Variants in ADAM12 observed in about 807,000 individuals in gnomAD.
The protein encoded by ADAM12 is ADAM metallopeptidase domain 12, also known as disintegrin and metalloproteinase domain-containing protein 12.
ADAM12 carries 70 observed loss-of-function variants against 106.4 expected under a neutral mutation model. That is an observed-to-expected ratio of 0.66 (90% CI 0.54 to 0.80). The LOEUF (loss-of-function observed/expected upper bound fraction) is 0.80. ADAM12 is among the 30% of genes least tolerant of loss of function. ADAM12 has a pLI of 0.00. For synonymous variants in ADAM12, 420 were observed against 433.5 expected, an observed-to-expected ratio of 0.97 and a Z score of 0.39; for missense variants, 1,010 against 1,171.9, an observed-to-expected ratio of 0.86 and a Z score of 2.02.
intron 11 of ADAM12, among the ~76,000 whole-genome samples, chr10:126,087,958 T>A (rs1042208582): frequency 6.6e-6 from 1 of 152,248 alleles, no homozygotes; most frequent in African/African-American, 2.4e-5. Context: ...TATTTAATTC[T>A]TCCGAGATCG....
chr10:126,223,128 G>A (rs1164887623), intron 3 of ADAM12, among the ~76,000 whole-genome samples: 2 of 152,168 alleles, frequency 1.3e-5, no homozygotes, highest in Admixed American at 1.3e-4. Context: ...TAGCCTGTAA[G>A]TTTTCACAAG....
chr10:126,031,984 A>G (rs1278646220), intron 21 of ADAM12, among the ~76,000 whole-genome samples: 6 of 152,200 alleles, frequency 3.9e-5, no homozygotes, highest in African/African-American at 1.2e-4. Context: ...CCATGAAGGA[A>G]GTGGTACATT....
At chr10:126,268,333 T>A (rs1305675417) in intron 3 of ADAM12, among the ~76,000 whole-genome samples, 2 of 152,220 alleles carry the variant, frequency 1.3e-5, no homozygotes, top group African/African-American at 4.8e-5. Flanking sequence ...CTGAATAAAA[T>A]TTCATTTTAC....
chr10:126,059,638 G>A (rs1954708794), intron 14 of ADAM12, among the ~76,000 whole-genome samples: 1 of 152,168 alleles, frequency 6.6e-6, no homozygotes, highest in Admixed American at 6.5e-5. Context: ...TAAACACTGA[G>A]TATTCACCAG....
chr10:126,198,912 G>A (rs1350686171), intron 3 of ADAM12, among the ~76,000 whole-genome samples: 3 of 152,162 alleles, frequency 2.0e-5, no homozygotes, highest in African/African-American at 7.2e-5. Flanking sequence ...GGGAAGAAAT[G>A]ACTTTTCCCA....
intron 14 of ADAM12, among the ~76,000 whole-genome samples, chr10:126,062,335 G>A (rs1427115145): frequency 1.3e-5 from 2 of 152,192 alleles, no homozygotes; most frequent in Admixed American, 6.5e-5. Context: ...ACCAGGGAGA[G>A]AGTGGGTGGG....
chr10:126,300,600 T>C (rs1304034077), intron 2 of ADAM12, among the ~76,000 whole-genome samples: 1 of 152,190 alleles, frequency 6.6e-6, no homozygotes, highest in African/African-American at 2.4e-5. Flanking sequence ...TAAATGAAAG[T>C]ACTGTTTCAT....
intron 3 of ADAM12, among the ~76,000 whole-genome samples, chr10:126,269,009 G>T (rs544027487): frequency 1.1e-4 from 17 of 152,258 alleles, no homozygotes; most frequent in African/African-American, 3.9e-4. Flanking sequence ...CCCGAGAACC[G>T]CTGGTTATCC....
chr10:126,355,204 A>C (rs1041369149), intron 1 of ADAM12, among the ~76,000 whole-genome samples: 1 of 152,230 alleles, frequency 6.6e-6, no homozygotes, highest in Admixed American at 6.5e-5. Flanking sequence ...TAAAAAGACA[A>C]AGGAGTTAAG....
At chr10:126,373,228 T>C (rs945092417) in intron 1 of ADAM12, among the ~76,000 whole-genome samples, 3 of 152,232 alleles carry the variant, frequency 2.0e-5, no homozygotes, top group Admixed American at 6.5e-5. Flanking sequence ...AAGGCTCACA[T>C]GACTGGAATT....
chr10:126,339,096 T>A (rs1319617016), intron 1 of ADAM12, among the ~76,000 whole-genome samples: 3 of 152,184 alleles, frequency 2.0e-5, no homozygotes, highest in Admixed American at 1.3e-4. Context: ...TCTTGCCTCC[T>A]CCACTTGAAC....
At chr10:126,299,952 C>CT (rs773651076) in intron 2 of ADAM12, among the ~76,000 whole-genome samples, 1 of 152,196 alleles carries the variant, frequency 6.6e-6, no homozygotes, top group Admixed American at 6.5e-5. Context: ...CCCCACTCAA[C>CT]TTTTTTTCTC....
intron 11 of ADAM12, among the ~76,000 whole-genome samples, chr10:126,075,473 G>A (rs941347561): frequency 1.3e-5 from 2 of 152,190 alleles, no homozygotes; most frequent in South Asian, 4.1e-4. Flanking sequence ...CCCTCATGGA[G>A]CTTGCATTCA....
chr10:126,377,763 T>C (rs1386806933), intron 1 of ADAM12, among the ~76,000 whole-genome samples: 1 of 152,192 alleles, frequency 6.6e-6, no homozygotes, highest in Non-Finnish European at 1.5e-5. Flanking sequence ...CCCAGAAGCA[T>C]ATCTGTGTGT....
intron 8 of ADAM12, among the ~76,000 whole-genome samples, chr10:126,102,654 T>C (rs1476307882): frequency 6.6e-6 from 1 of 152,204 alleles, no homozygotes; most frequent in African/African-American, 2.4e-5. Flanking sequence ...CTGATTGCAT[T>C]GGTCCAACTT....
intron 2 of ADAM12, among the ~76,000 whole-genome samples, chr10:126,293,082 C>T (rs1003364079): frequency 6.6e-6 from 1 of 152,214 alleles, no homozygotes; most frequent in African/African-American, 2.4e-5. Context: ...CACAGGCCAG[C>T]AACCCACAAG....
chr10:126,201,203 C>T (rs1397040347), intron 3 of ADAM12, among the ~76,000 whole-genome samples: 1 of 152,160 alleles, frequency 6.6e-6, no homozygotes, highest in Admixed American at 6.5e-5. Flanking sequence ...CTCCTACTTC[C>T]CGGCACCTGT....
At chr10:126,131,368 T>C (rs1395368197) in intron 5 of ADAM12, among the ~76,000 whole-genome samples, 1 of 152,124 alleles carries the variant, frequency 6.6e-6, no homozygotes, top group East Asian at 1.9e-4. Context: ...AGAGAGGCCC[T>C]TATTCTTCTT....
chr10:126,106,486 C>CTTTT (rs533243635), intron 8 of ADAM12, among the ~76,000 whole-genome samples: 3 of 115,972 alleles, frequency 2.6e-5, no homozygotes, highest in Non-Finnish European at 3.6e-5. Context: ...TCTTCTTCTT[C>CTTTT]TTTTTTTTTT....
Sources: gnomAD v4.1 joint callset for allele counts (sites outside exome capture counted in the v4.1 genomes callset) on GRCh38, gnomAD v4.1.1 for gene constraint, MANE v1.5 for transcripts, NCBI Gene and HGNC (gene_info 2026-07-23, HGNC 2026-07-21) for gene names.